The following TENM3 variants were observed in gnomAD, a reference collection of about 807,000 sequenced individuals.
TENM3 encodes teneurin transmembrane protein 3.
In TENM3, 63 loss-of-function variants were observed where a neutral mutation model predicts 255.1. That is an observed-to-expected ratio of 0.25 (90% CI 0.20 to 0.30). The LOEUF (loss-of-function observed/expected upper bound fraction) is 0.30. TENM3 is among the 10% of genes least tolerant of loss of function. The pLI, the probability that TENM3 is intolerant of heterozygous loss-of-function variation, is 1.00. For synonymous variants in TENM3, 1,306 were observed against 1,322.3 expected (o/e 0.99, Z 0.27); for missense variants, 2,929 against 3,461.1 (o/e 0.85, Z 3.86).
chr4:182,162,649 G>A (rs1751433251), intron 1 of TENM3, among the ~76,000 whole-genome samples: 1 of 152,168 alleles, frequency 6.6e-6, no homozygotes, highest in African/African-American at 2.4e-5. Flanking sequence ...TTGGAGGCTG[G>A]GAAGTCCAAG....
rs572648450 is a variant in TENM3 at position 182,440,181 on chromosome 4, C to T, written c.511+93252C>T. Among the ~76,000 whole-genome samples, 325 of 145,564 alleles carry T rather than the reference C, an allele frequency of 2.2e-3. 1 individual carries two copies. Among genetic ancestry groups the T allele is most frequent in the African/African-American group, 7.7e-3 (303 of 39,200 alleles). On this transcript the variant is annotated intron_variant, in intron 3 of 27. Transcript: ENST00000511685. ...AGGCTGGAGTGCAGCCGTGCGATCT[C>T]GGCTCACTGCAACCTCCGCCTCTCG...
At chr4:182,150,300 G>A (rs1177518831) in intron 1 of TENM3, among the ~76,000 whole-genome samples, 1 of 151,936 alleles carries the variant, frequency 6.6e-6, no homozygotes, top group Non-Finnish European at 1.5e-5. Flanking sequence ...TATAATGAGC[G>A]ATGGCCCTTT....
chr4:182,497,200 G>A (rs1487321383), intron 3 of TENM3, among the ~76,000 whole-genome samples: 5 of 151,858 alleles, frequency 3.3e-5, no homozygotes, highest in Non-Finnish European at 5.9e-5. Context: ...ACTCAGGCAC[G>A]CGCCACCATG....
chr4:182,185,291 C>G (rs975247547), intron 1 of TENM3, among the ~76,000 whole-genome samples: 1 of 152,130 alleles, frequency 6.6e-6, no homozygotes, highest in Non-Finnish European at 1.5e-5. Context: ...AGCAACTGAA[C>G]AAAGTTTTAA....
At chr4:182,280,822 G>A (rs1760331876) in intron 1 of TENM3, among the ~76,000 whole-genome samples, 1 of 152,214 alleles carries the variant, frequency 6.6e-6, no homozygotes, top group Admixed American at 6.5e-5. Context: ...AAACAGATAA[G>A]AGTGGAGAGG....
chr4:182,093,904 G>C, the TENM3 span, among the ~76,000 whole-genome samples: 4 of 152,110 alleles, frequency 2.6e-5, no homozygotes, highest in Admixed American at 2.0e-4. Context: ...GCACTTTTAG[G>C]TCAAAGAAAA....
At chr4:182,088,058 C>A in the TENM3 span, among the ~76,000 whole-genome samples, 1 of 152,140 alleles carries the variant, frequency 6.6e-6, no homozygotes, top group African/African-American at 2.4e-5. Context: ...CTTATTATAA[C>A]CTTCTTATCA....
intron 7 of TENM3, among the ~76,000 whole-genome samples, chr4:182,674,796 G>A (rs1259626231): frequency 6.6e-6 from 1 of 152,116 alleles, no homozygotes; most frequent in Non-Finnish European, 1.5e-5. Context: ...GGCTGCTCTT[G>A]AACTCCTGGG....
the TENM3 span, among the ~76,000 whole-genome samples, chr4:181,713,783 A>G: frequency 6.6e-6 from 1 of 151,966 alleles, no homozygotes; most frequent in African/African-American, 2.4e-5. Context: ...ATTCTCACAG[A>G]AAAAAAACCC....
At chr4:182,204,993 A>G (rs1373753463) in intron 1 of TENM3, among the ~76,000 whole-genome samples, 1 of 152,232 alleles carries the variant, frequency 6.6e-6, no homozygotes, top group Non-Finnish European at 1.5e-5. Context: ...GCTGTGGATC[A>G]GCTGACACAT....
the TENM3 span, among the ~76,000 whole-genome samples, chr4:181,667,177 A>G: frequency 6.6e-6 from 1 of 151,964 alleles, no homozygotes; most frequent in African/African-American, 2.4e-5. Context: ...AATGCTCCTC[A>G]TTGTCTACCT....
chr4:182,393,487 A>G (rs1580396942), intron 3 of TENM3, among the ~76,000 whole-genome samples: 1 of 152,240 alleles, frequency 6.6e-6, no homozygotes, highest in South Asian at 2.1e-4. Context: ...ATCAAAATAT[A>G]GAAATAATCA....
chr4:181,740,698 A>T, the TENM3 span, among the ~76,000 whole-genome samples: 3 of 151,462 alleles, frequency 2.0e-5, no homozygotes, highest in Non-Finnish European at 4.4e-5. Flanking sequence ...AAAAAAAAAA[A>T]GTCAAGAAAA....
chr4:182,414,546 A>C (rs1401205165), intron 3 of TENM3, among the ~76,000 whole-genome samples: 1 of 152,208 alleles, frequency 6.6e-6, no homozygotes, highest in African/African-American at 2.4e-5. Flanking sequence ...TTTATTTTTA[A>C]ATGCATGCAA....
At chr4:181,542,617 T>A in the TENM3 span, among the ~76,000 whole-genome samples, 2 of 152,120 alleles carry the variant, frequency 1.3e-5, no homozygotes, top group African/African-American at 4.8e-5. Flanking sequence ...TTGGATGAGG[T>A]ATGTTATAGA....
the TENM3 span, among the ~76,000 whole-genome samples, chr4:181,695,175 T>C: frequency 6.6e-6 from 1 of 152,184 alleles, no homozygotes; most frequent in African/African-American, 2.4e-5. Context: ...AGTATGTTAT[T>C]TGTACAATTG....
At chr4:181,556,694 T>C in the TENM3 span, among the ~76,000 whole-genome samples, 3 of 152,350 alleles carry the variant, frequency 2.0e-5, no homozygotes, top group African/African-American at 4.8e-5. Flanking sequence ...TTTATTATTA[T>C]GAATTTTTCA....
the TENM3 span, among the ~76,000 whole-genome samples, chr4:182,078,179 T>C: frequency 1.3e-5 from 2 of 152,032 alleles, no homozygotes; most frequent in East Asian, 1.9e-4. Context: ...TAAGCAGTGA[T>C]TGTGGCACTG....
chr4:181,976,811 G>A, the TENM3 span, among the ~76,000 whole-genome samples: 1 of 152,174 alleles, frequency 6.6e-6, no homozygotes, highest in African/African-American at 2.4e-5. Context: ...AGAAGATGGA[G>A]CTACAAACCA....
Sources: gnomAD v4.1 joint callset for allele counts (sites outside exome capture counted in the v4.1 genomes callset) on GRCh38, gnomAD v4.1.1 for gene constraint, MANE v1.5 for transcripts, NCBI Gene and HGNC (gene_info 2026-07-23, HGNC 2026-07-21) for gene names.